TP63: variants seen among roughly 807,000 people sequenced by gnomAD.
The protein encoded by TP63 is tumor protein p63, also known as tumor protein 63.
In TP63, 17 loss-of-function variants were observed where a neutral mutation model predicts 82.8. The ratio of observed to expected loss-of-function variants is 0.21; its 90% confidence interval spans 0.14 to 0.31. The LOEUF (loss-of-function observed/expected upper bound fraction) is 0.31, where lower values mean the gene tolerates loss of function less well. Ranked by LOEUF, TP63 falls within the 10% of genes least tolerant of loss-of-function variation. The probability of loss-of-function intolerance (pLI) is 1.00; values close to 1 mark genes in which losing one functional copy is unlikely to be tolerated. For synonymous variants in TP63, 330 were observed against 321.7 expected, an observed-to-expected ratio of 1.03 and a Z score of -0.28; for missense variants, 648 against 895.3, an observed-to-expected ratio of 0.72 and a Z score of 3.52.
upstream of TP63, among the ~76,000 whole-genome samples, chr3:189,626,552 C>T (rs931967171): frequency 1.3e-5 from 2 of 152,154 alleles, no homozygotes; most frequent in African/African-American, 4.8e-5. Context: ...CTTGTGGTGG[C>T]ATCTGTTGTT....
intron 4 of TP63, among the ~76,000 whole-genome samples, chr3:189,852,639 G>A (rs1715791904): frequency 6.6e-6 from 1 of 152,270 alleles, no homozygotes; most frequent in South Asian, 2.1e-4. Context: ...CTCCTGATGG[G>A]TTTCCCCAAT....
At chr3:189,694,339 A>C (rs1200584416) in intron 1 of TP63, among the ~76,000 whole-genome samples, 1 of 152,144 alleles carries the variant, frequency 6.6e-6, no homozygotes, top group Admixed American at 6.5e-5. Flanking sequence ...TTTTAACTAA[A>C]GTTCATGCTT....
chr3:189,782,276 C>T (rs1724286130), intron 3 of TP63, among the ~76,000 whole-genome samples: 1 of 152,128 alleles, frequency 6.6e-6, no homozygotes, highest in African/African-American at 2.4e-5. Context: ...ATCCATTCAG[C>T]AGAAGAGACT....
At chr3:189,677,443 T>TTC (rs147685203) in intron 1 of TP63, among the ~76,000 whole-genome samples, 2 of 147,202 alleles carry the variant, frequency 1.4e-5, no homozygotes, top group African/African-American at 4.9e-5. Flanking sequence ...CATATATATA[T>TTC]ACACACATAT....
At chr3:189,801,020 C>A (rs1726246697) in intron 3 of TP63, among the ~76,000 whole-genome samples, 1 of 152,034 alleles carries the variant, frequency 6.6e-6, no homozygotes, top group Non-Finnish European at 1.5e-5. Context: ...AAATGTTAAT[C>A]ACATTTAATC....
intron 1 of TP63, among the ~76,000 whole-genome samples, chr3:189,686,299 C>T (rs1298989968): frequency 6.6e-6 from 1 of 152,112 alleles, no homozygotes; most frequent in Non-Finnish European, 1.5e-5. Flanking sequence ...GCAGTTTCTC[C>T]TCCTTCATAC....
At chr3:189,864,812 C>A (rs139060562) in intron 5 of TP63, among the ~76,000 whole-genome samples, 3,544 of 152,034 alleles carry the variant, frequency 0.023, 131 homozygotes, top group African/African-American at 0.081. Context: ...CGAGACCATC[C>A]TGGCTAACAC....
chr3:189,735,867 G>A (rs964701697), intron 1 of TP63, among the ~76,000 whole-genome samples: 16 of 151,920 alleles, frequency 1.1e-4, no homozygotes, highest in African/African-American at 1.9e-4. Context: ...ACCCACATTC[G>A]AATAAGTACA....
At chr3:189,640,037 A>G (rs1274775752) in intron 1 of TP63, among the ~76,000 whole-genome samples, 1 of 151,950 alleles carries the variant, frequency 6.6e-6, no homozygotes, top group Non-Finnish European at 1.5e-5. Flanking sequence ...TTTCTTCTTT[A>G]TTATTTTCTG....
chr3:189,836,282 A>G (rs1240506910), intron 4 of TP63, among the ~76,000 whole-genome samples: 3 of 152,182 alleles, frequency 2.0e-5, no homozygotes, highest in Non-Finnish European at 2.9e-5. Context: ...CTGGCAAACA[A>G]TATGAAACTG....
chr3:189,775,065 A>G (rs1723675305), intron 3 of TP63, among the ~76,000 whole-genome samples: 1 of 151,902 alleles, frequency 6.6e-6, no homozygotes, highest in African/African-American at 2.4e-5. Flanking sequence ...CTACAAATAC[A>G]AAAAATTAGC....
intron 3 of TP63, among the ~76,000 whole-genome samples, chr3:189,750,711 C>T (rs186557073): frequency 8.5e-5 from 13 of 152,146 alleles, no homozygotes; most frequent in Admixed American, 5.9e-4. Context: ...CATTGAGAGA[C>T]GATAGTAGTA....
At chr3:189,671,928 G>T (rs1349117589) in intron 1 of TP63, among the ~76,000 whole-genome samples, 1 of 151,970 alleles carries the variant, frequency 6.6e-6, no homozygotes, top group African/African-American at 2.4e-5. Context: ...GCTGGTTAAG[G>T]TATACAAAGT....
chr3:189,861,694 A>G (rs1324544647), intron 4 of TP63, among the ~76,000 whole-genome samples: 1 of 152,198 alleles, frequency 6.6e-6, no homozygotes, highest in Admixed American at 6.5e-5. Context: ...TTTGAGCTCC[A>G]TTTTAATGCT....
chr3:189,851,501 G>C (rs1208612659), intron 4 of TP63, among the ~76,000 whole-genome samples: 1 of 152,178 alleles, frequency 6.6e-6, no homozygotes, highest in African/African-American at 2.4e-5. Flanking sequence ...CTTGAACCTG[G>C]GAGGCAGAGG....
chr3:189,667,769 C>T (rs12493249), intron 1 of TP63, among the ~76,000 whole-genome samples: 61,139 of 151,856 alleles, frequency 0.4, 13,528 homozygotes, highest in Middle Eastern at 0.64. Flanking sequence ...GAAGTTCATT[C>T]CTTAAGTATA....
intron 1 of TP63, among the ~76,000 whole-genome samples, chr3:189,692,784 G>T (rs1717042437): frequency 6.6e-6 from 1 of 152,110 alleles, no homozygotes; most frequent in South Asian, 2.1e-4. Flanking sequence ...GTCAAAAGCT[G>T]CTCACAGCTA....
At chr3:189,767,132 C>T (rs6808022) in intron 3 of TP63, among the ~76,000 whole-genome samples, 1 of 152,016 alleles carries the variant, frequency 6.6e-6, no homozygotes, top group East Asian at 1.9e-4. Context: ...AAAGGTTCTT[C>T]GTCTATGGTG....
chr3:189,799,789 A>C (rs1295799098), intron 3 of TP63, among the ~76,000 whole-genome samples: 1 of 152,144 alleles, frequency 6.6e-6, no homozygotes, highest in East Asian at 1.9e-4. Flanking sequence ...AAATGAATCA[A>C]ATTTGGACAC....
Sources: allele counts gnomAD v4.1 joint callset (sites outside exome capture counted in the v4.1 genomes callset), GRCh38; gene constraint gnomAD v4.1.1; transcripts MANE v1.5; gene names NCBI Gene and HGNC (gene_info 2026-07-23, HGNC 2026-07-21).